Variants in TRMU observed in about 807,000 individuals in gnomAD.
The protein encoded by TRMU is tRNA mitochondrial 2-thiouridylase, also known as mitochondrial tRNA-specific 2-thiouridylase 1.
In TRMU, 49 loss-of-function variants were observed where a neutral mutation model predicts 46.9. The ratio of observed to expected loss-of-function variants is 1.05; its 90% CI spans 0.83 to 1.33. The LOEUF is 1.33. Among genes scored for constraint, TRMU ranks in the 40% most tolerant of loss-of-function variants. The pLI, the probability that TRMU is intolerant of heterozygous loss-of-function variation, is 0.00. For synonymous variants in TRMU, 241 were observed against 200.9 expected (o/e 1.20, Z -1.69); for missense variants, 572 against 532.4 (o/e 1.07, Z -0.73).
In TRMU at chr22:46,348,352, G is replaced by A. The variant is rs2078314348; in HGVS notation, c.478+1808G>A. Among the ~76,000 whole-genome samples, 1 of 152,250 alleles carries A rather than the reference G, an allele frequency of 6.6e-6. No homozygotes were observed. The highest frequency in any genetic ancestry group is 2.1e-4 in the South Asian group (1 of 4,832). ...GCGTTCTGTTGAGTGCGTTTGGCAT[G>A]TGGGAATTGTGATGGTGCACAGTGT... On this transcript the variant is annotated intron_variant, in intron 4 of 10. Transcript: ENST00000645190. This position sits in a 1 kb window ranked among gnomAD's most constrained non-coding sequence, Gnocchi z 4.8.
At chr22:46,340,943 C>T (rs543441356) in intron 2 of TRMU, among the ~76,000 whole-genome samples, 2 of 152,232 alleles carry the variant, frequency 1.3e-5, no homozygotes, top group Non-Finnish European at 2.9e-5. Flanking sequence ...ACCAGCTGCC[C>T]GTGGAGGCAT....
rs1281721327 is a variant in TRMU, at chr22:46,349,037, G to T, written c.479-1254G>T. On this transcript the variant is annotated intron_variant, in intron 4 of 10. Transcript: ENST00000645190. The surrounding 1 kb of genome is among the most constrained non-coding windows in gnomAD (Gnocchi z 4.6). Reference sequence around the variant, plus strand: ...GCCTGTAGTCCCAGGTACTCTGGAGGCTGAGACAGGAGAATCACTTGAACC... The same window carrying T: ...GCCTGTAGTCCCAGGTACTCTGGAGTCTGAGACAGGAGAATCACTTGAACC... 6.6e-6 allele frequency among the ~76,000 whole-genome samples: 1 copy of T among 152,082 alleles called. No homozygotes were observed. The highest frequency in any genetic ancestry group is 1.5e-5 in the Non-Finnish European group (1 of 68,008).
In TRMU at chr22:46,337,867, T is replaced by C; in HGVS notation, c.171T>C (p.Ala57=). 1 of 1,614,248 alleles carries C rather than the reference T, an allele frequency of 6.2e-7. No individual in the cohort carries two copies. Among genetic ancestry groups the C allele is most frequent in the Non-Finnish European group, 8.5e-7 (1 of 1,180,050 alleles). Residue 57 remains alanine (A), a synonymous_variant, in exon 2 of 11, where the codon GCT becomes GCC. Coordinates refer to ENST00000645190, the MANE Select transcript of TRMU (RefSeq NM_018006.5). The part of the protein sequence containing the change: ...VCTADKDCED[A]YRVCQILDIP... ...CTGCCGACAAAGACTGTGAAGATGC[T>C]TACAGAGTTTGCCAGATCTTAGACA...
rs534138849 is a variant in TRMU at position 46,351,466 on chromosome 22, C to T, written c.652-655C>T. On this transcript the variant is annotated intron_variant, in intron 5 of 10. Transcript: ENST00000645190. The surrounding 1 kb of genome is among the most constrained non-coding windows in gnomAD (Gnocchi z 6.4). ...GAGCTGTTGCTCCTTCGTGTCTCTT[C>T]CTGGTAATGGAAACGGCCATACCTT... Among the ~76,000 whole-genome samples, 1 of 152,096 alleles carries T rather than the reference C, an allele frequency of 6.6e-6. No individual in the cohort carries two copies. Among genetic ancestry groups the T allele is most frequent in the East Asian group, 1.9e-4 (1 of 5,170 alleles).
chr22:46,357,120 G>A lies in TRMU; in HGVS notation c.*114G>A. The A allele has an allele frequency of 6.8e-7, 1 of 1,473,366 alleles. No homozygotes were observed. The allele number at this position is 1,473,366 out of a possible 1,614,324, so 91.3% of individuals were successfully genotyped here. Reference sequence around the variant, plus strand: ...CTGCTGCCCAAAGCAGAGGAAGCCGGGCTGGCTGAGGGTCCGAAAAGCCTG... The same window carrying A: ...CTGCTGCCCAAAGCAGAGGAAGCCGAGCTGGCTGAGGGTCCGAAAAGCCTG... On this transcript the variant is annotated 3_prime_UTR_variant, in exon 11 of 11. Transcript: ENST00000645190.
chr22:46,355,976 T>G lies in TRMU; in HGVS notation c.1019-14T>G. The G allele has an allele frequency of 6.2e-7, 1 of 1,613,702 alleles. No homozygotes were observed. Among genetic ancestry groups the G allele is most frequent in the Non-Finnish European group, 8.5e-7 (1 of 1,179,834 alleles). ...GGCCTGTGCCCCCTCCAAGGGCCCC[T>G]CTCTTCTACCCAGTGCCCTGTGTGC... On this transcript the variant is annotated splice_polypyrimidine_tract_variant and intron_variant, in intron 9 of 10. Transcript: ENST00000645190.
rs146073921 is a variant in TRMU at position 46,344,020 on chromosome 22, A to G, written c.355+652A>G. 2.1e-4 allele frequency among the ~76,000 whole-genome samples: 32 copies of G among 152,354 alleles called. No homozygotes were observed. In the East Asian group the frequency reaches 5.4e-3, roughly 26 times the overall value. On this transcript the variant is annotated intron_variant, in intron 3 of 10. Coordinates refer to ENST00000645190, the MANE Select transcript of TRMU (RefSeq NM_018006.5). ...AGTTTGTGGAGTTAGGAATAAACAA[A>G]TGCCTACAAAAACAAAAAATCAAAA...
chr22:46,352,616 A>G, intron 7 of TRMU: 1 of 525,026 alleles, frequency 1.9e-6, no homozygotes, highest in South Asian at 2.1e-5. Context: ...AAGTCCCTGT[A>G]AAAAGAATGA....
Position 46,350,779 on chromosome 22 carries a change from A to G in TRMU, c.651+316A>G, listed in dbSNP as rs2078396390. ...CCTGCCTGCCAGGTGAGTGCCAGGC[A>G]GTGTGATGCAGCCCCGAGACCCCTG... On this transcript the variant is annotated intron_variant, in intron 5 of 10. Coordinates refer to ENST00000645190, the MANE Select transcript of TRMU (RefSeq NM_018006.5). This position sits in a 1 kb window ranked among gnomAD's most constrained non-coding sequence, Gnocchi z 4.6. Among the ~76,000 whole-genome samples the G allele has an allele frequency of 6.6e-6, 1 of 152,110 alleles. No homozygotes were observed. Among genetic ancestry groups the G allele is most frequent in the Admixed American group, 6.5e-5 (1 of 15,278 alleles).
rs778799889 is a variant in TRMU at position 46,352,263 on chromosome 22, G to A, written c.706-1G>A. 5.6e-6 allele frequency: 9 copies of A among 1,614,056 alleles called. No individual in the cohort carries two copies. Among genetic ancestry groups the A allele is most frequent in the Admixed American group, 1.7e-5 (1 of 60,010 alleles). On this transcript the variant is annotated splice_acceptor_variant, in intron 6 of 10. Coordinates refer to ENST00000645190, the MANE Select transcript of TRMU (RefSeq NM_018006.5). LOFTEE classifies it high-confidence loss of function. ...TCGGTAATGACATGTTTGTTTTCCAGTATCTGCAGCCTCGACCTGGTCACT... is the reference window on the plus strand; with the variant it reads ...TCGGTAATGACATGTTTGTTTTCCAATATCTGCAGCCTCGACCTGGTCACT...
chr22:46,343,199 C>CTTTTT, intron 2 of TRMU, 63 bp from the exon 3 acceptor site: 1 of 962,268 alleles, frequency 1.0e-6, no homozygotes, highest in South Asian at 1.5e-5. Flanking sequence ...ATTTAGTGAA[C>CTTTTT]TTTTTTTTTT....
At chr22:46,353,549 C>T (rs1385508633) in intron 7 of TRMU, 1 of 488,494 alleles carries the variant, frequency 2.0e-6, no homozygotes, top group Non-Finnish European at 3.9e-6. Context: ...TTGTGGCCAC[C>T]ACACCCCATG....
At position 46,349,008 on chromosome 22, in the gene TRMU, A is replaced by C. The variant is rs1289729021; in HGVS notation, c.479-1283A>C. ...AAAAAAGTTAGCCGAGTATGGTGGC[A>C]CATGCCTGTAGTCCCAGGTACTCTG... On this transcript the variant is annotated intron_variant, in intron 4 of 10. Transcript: ENST00000645190. The surrounding 1 kb of genome is among the most constrained non-coding windows in gnomAD (Gnocchi z 4.6). 1.3e-5 allele frequency among the ~76,000 whole-genome samples: 2 copies of C among 152,070 alleles called. No individual in the cohort carries two copies. Among genetic ancestry groups the C allele is most frequent in the Non-Finnish European group, 2.9e-5 (2 of 67,988 alleles).
At chr22:46,356,109 T>G in intron 10 of TRMU, 37 bp downstream of exon 10, 1 of 1,611,240 alleles carries the variant, frequency 6.2e-7, no homozygotes, top group Non-Finnish European at 8.5e-7. Flanking sequence ...GGGAGGACTG[T>G]ACTGCTCTGC....
rs2078594205 is a variant in TRMU, at chr22:46,355,983, T to C, written c.1019-7T>C. On this transcript the variant is annotated splice_region_variant and splice_polypyrimidine_tract_variant and intron_variant, in intron 9 of 10. Coordinates refer to ENST00000645190, the MANE Select transcript of TRMU (RefSeq NM_018006.5). ...GCCCCCTCCAAGGGCCCCTCTCTTC[T>C]ACCCAGTGCCCTGTGTGCTGACCCT... is the stretch of plus-strand genomic sequence containing the variant. 1 of 1,613,686 alleles carries C rather than the reference T, an allele frequency of 6.2e-7. No individual in the cohort carries two copies. The highest frequency in any genetic ancestry group is 8.5e-7 in the Non-Finnish European group (1 of 1,179,824).
chr22:46,356,139 G>A, intron 10 of TRMU, 67 bp downstream of exon 10: 1 of 1,583,782 alleles, frequency 6.3e-7, no homozygotes, highest in Non-Finnish European at 8.7e-7. Flanking sequence ...GGGCACCCGG[G>A]TTACAGAGGA....
rs768085413 is a variant in TRMU, at chr22:46,343,381, G to T, written c.355+13G>T. ...GTGGATAATCTTGGTAAGTAATTTG[G>T]GTTTAAAACATTTTTTTTTTTAAAG... On this transcript the variant is annotated intron_variant, in intron 3 of 10. Coordinates refer to ENST00000645190, the MANE Select transcript of TRMU (RefSeq NM_018006.5). The T allele has an allele frequency of 6.2e-7, 1 of 1,602,088 alleles. No homozygotes were observed. The highest frequency in any genetic ancestry group is 1.7e-5 in the Admixed American group (1 of 59,946).
chr22:46,345,770 T>C (rs1454179374), intron 3 of TRMU, among the ~76,000 whole-genome samples: 1 of 151,768 alleles, frequency 6.6e-6, no homozygotes, highest in African/African-American at 2.4e-5. Flanking sequence ...GTTCTTTTTT[T>C]TTTTTTTTTC....
Position 46,351,274 on chromosome 22 carries a change from G to A in TRMU, c.651+811G>A, listed in dbSNP as rs976989458. 1.4e-4 allele frequency among the ~76,000 whole-genome samples: 21 copies of A among 152,294 alleles called. No homozygotes were observed. The highest frequency in any genetic ancestry group is 3.4e-3 in the Middle Eastern group (1 of 294). On this transcript the variant is annotated intron_variant, in intron 5 of 10. Coordinates refer to ENST00000645190, the MANE Select transcript of TRMU (RefSeq NM_018006.5). The surrounding 1 kb of genome is among the most constrained non-coding windows in gnomAD (Gnocchi z 6.4). ...CCCCAGCTCCTCAGGAGGATCGAGC[G>A]CACCCAGGAGTTTGAGGACAGCCTG...
Sources: gnomAD v4.1 joint callset for allele counts (sites outside exome capture counted in the v4.1 genomes callset) on GRCh38, gnomAD v4.1.1 for gene constraint, Gnocchi (gnomAD v3.1) non-coding constraint, MANE v1.5 for transcripts, NCBI Gene and HGNC (gene_info 2026-07-23, HGNC 2026-07-21) for gene names.